The following PTPRK variants were observed in gnomAD, a reference collection of about 807,000 sequenced individuals.
PTPRK encodes receptor-type tyrosine-protein phosphatase kappa.
Under a neutral mutation model 178.0 loss-of-function variants are expected in PTPRK, and 75 were observed. The ratio of observed to expected loss-of-function variants is 0.42; its 90% confidence interval spans 0.35 to 0.51. The LOEUF is 0.51. Ranked by LOEUF, PTPRK falls within the 20% of genes least tolerant of loss-of-function variation. The pLI is 0.02. For synonymous variants in PTPRK, 637 were observed against 620.6 expected, an observed-to-expected ratio of 1.03 and a Z score of -0.39; for missense variants, 1,441 against 1,797.8, an observed-to-expected ratio of 0.80 and a Z score of 3.59.
At chr6:128,424,747 C>G (rs930724504) in intron 1 of PTPRK, among the ~76,000 whole-genome samples, 2 of 152,122 alleles carry the variant, frequency 1.3e-5, no homozygotes, top group Non-Finnish European at 1.5e-5. Flanking sequence ...CAAAAACATC[C>G]TTAACAACAG....
At chr6:128,285,241 G>A (rs370850944) in intron 3 of PTPRK, among the ~76,000 whole-genome samples, 5 of 152,348 alleles carry the variant, frequency 3.3e-5, no homozygotes, top group African/African-American at 1.2e-4. Context: ...GAGGCCAGGC[G>A]TGGTGGCTTG....
chr6:128,131,112 G>GA (rs1225443367), intron 7 of PTPRK, among the ~76,000 whole-genome samples: 1 of 152,126 alleles, frequency 6.6e-6, no homozygotes, highest in Admixed American at 6.5e-5. Flanking sequence ...ACATTGAAGA[G>GA]AAAAATCAAT....
At chr6:127,981,525 G>A (rs1186014822) in intron 24 of PTPRK, among the ~76,000 whole-genome samples, 1 of 152,118 alleles carries the variant, frequency 6.6e-6, no homozygotes. Context: ...GAAAAGGTAC[G>A]CTAAACAACA....
intron 13 of PTPRK, among the ~76,000 whole-genome samples, chr6:128,024,730 C>A (rs952396807): frequency 6.6e-6 from 1 of 152,030 alleles, no homozygotes; most frequent in South Asian, 2.1e-4. Flanking sequence ...GAATTGCAAC[C>A]TCCTGGGAGG....
chr6:128,438,977 A>G (rs1282983492), intron 1 of PTPRK, among the ~76,000 whole-genome samples: 1 of 152,250 alleles, frequency 6.6e-6, no homozygotes, highest in Non-Finnish European at 1.5e-5. Flanking sequence ...TATTCCAATT[A>G]GAACTCCAAA....
chr6:128,481,362 A>G (rs1354116309), intron 1 of PTPRK, among the ~76,000 whole-genome samples: 2 of 152,142 alleles, frequency 1.3e-5, no homozygotes, highest in East Asian at 1.9e-4. Context: ...TGCATACCAA[A>G]TGCTCTGCAT....
chr6:128,501,053 T>C (rs1855491754), intron 1 of PTPRK: 1 of 152,232 alleles, frequency 6.6e-6, no homozygotes, highest in African/African-American at 2.4e-5. Context: ...AATTTTTGTA[T>C]TTTTAATAGA....
At chr6:128,150,232 C>T (rs905542415) in intron 7 of PTPRK, among the ~76,000 whole-genome samples, 46 of 151,992 alleles carry the variant, frequency 3.0e-4, no homozygotes, top group African/African-American at 1.1e-3. Flanking sequence ...CTGCACTGGG[C>T]TTAGTATTGC....
intron 13 of PTPRK, among the ~76,000 whole-genome samples, chr6:128,025,647 T>A (rs1395480784): frequency 2.0e-5 from 3 of 152,178 alleles, no homozygotes; most frequent in Non-Finnish European, 4.4e-5. Context: ...CAAAGCAGTA[T>A]CACTGGGCCA....
intron 7 of PTPRK, among the ~76,000 whole-genome samples, chr6:128,100,184 G>A (rs1049276583): frequency 6.6e-6 from 1 of 151,902 alleles, no homozygotes; most frequent in Non-Finnish European, 1.5e-5. Flanking sequence ...CGACTTGCAA[G>A]GATTAATTGC....
chr6:127,973,454 G>A (rs536999329), intron 28 of PTPRK, among the ~76,000 whole-genome samples: 1 of 152,074 alleles, frequency 6.6e-6, no homozygotes, highest in South Asian at 2.1e-4. Flanking sequence ...GTTCCAAAGA[G>A]TTTAAATAAT....
At chr6:127,983,883 G>T (rs921376993) in intron 22 of PTPRK, among the ~76,000 whole-genome samples, 2 of 152,038 alleles carry the variant, frequency 1.3e-5, no homozygotes, top group African/African-American at 2.4e-5. Context: ...GAGGAGCCAC[G>T]CTTCACAGGA....
intron 1 of PTPRK, among the ~76,000 whole-genome samples, chr6:128,487,905 G>A (rs1007325095): frequency 3.3e-5 from 5 of 152,178 alleles, no homozygotes; most frequent in East Asian, 3.9e-4. Context: ...TCAATGAGGT[G>A]TAGATTCCTG....
chr6:128,175,350 T>C (rs1310946819), intron 7 of PTPRK, among the ~76,000 whole-genome samples: 1 of 151,858 alleles, frequency 6.6e-6, no homozygotes, highest in African/African-American at 2.4e-5. Flanking sequence ...AAAAAGTAGT[T>C]GAATAGTATT....
intron 1 of PTPRK, among the ~76,000 whole-genome samples, chr6:128,433,212 T>C (rs1845062929): frequency 6.6e-6 from 1 of 152,182 alleles, no homozygotes; most frequent in Non-Finnish European, 1.5e-5. Flanking sequence ...ACGTATTCCT[T>C]CTATCTAACT....
At chr6:128,161,014 G>A (rs983617494) in intron 7 of PTPRK, among the ~76,000 whole-genome samples, 2 of 151,528 alleles carry the variant, frequency 1.3e-5, no homozygotes, top group African/African-American at 4.8e-5. Context: ...GCCTTAAGGA[G>A]AGGGGCTAGA....
chr6:128,249,635 A>G (rs1441386184), intron 3 of PTPRK, among the ~76,000 whole-genome samples: 1 of 152,150 alleles, frequency 6.6e-6, no homozygotes. Context: ...TAGTAAACAG[A>G]GGTGTGACCT....
chr6:128,315,306 C>T (rs1827848431), intron 3 of PTPRK, among the ~76,000 whole-genome samples: 1 of 152,016 alleles, frequency 6.6e-6, no homozygotes, highest in African/African-American at 2.4e-5. Flanking sequence ...TGAATTATTA[C>T]TTGGTATAAA....
At chr6:128,267,285 C>T (rs1054961777) in intron 3 of PTPRK, among the ~76,000 whole-genome samples, 3 of 152,078 alleles carry the variant, frequency 2.0e-5, no homozygotes, top group African/African-American at 7.2e-5. Context: ...GATGAGTCCA[C>T]AAAATATGAA....
Sources: gnomAD v4.1 joint callset for allele counts (sites outside exome capture counted in the v4.1 genomes callset) on GRCh38, gnomAD v4.1.1 for gene constraint, MANE v1.5 for transcripts, NCBI Gene and HGNC (gene_info 2026-07-23, HGNC 2026-07-21) for gene names.